The following RAPH1 variants were observed in gnomAD, a reference collection of about 807,000 sequenced individuals.
RAPH1 encodes ras-associated and pleckstrin homology domains-containing protein 1.
A neutral mutation model predicts 88.1 loss-of-function variants in RAPH1; 18 were observed. That is an observed-to-expected ratio of 0.20 (90% confidence interval 0.14 to 0.30). The LOEUF (loss-of-function observed/expected upper bound fraction) is 0.30. Among genes scored for constraint, RAPH1 ranks in the 10% least tolerant of loss-of-function variants. The pLI is 1.00. For missense variants in RAPH1, 1,448 were observed against 1,543.2 expected (o/e 0.94, Z 1.03); for synonymous variants, 587 against 559.0 (o/e 1.05, Z -0.71).
chr2:203,493,971 C>CAAAAAAAAAAAAAAAA (rs397937732), intron 2 of RAPH1, among the ~76,000 whole-genome samples: 3 of 18,964 alleles, frequency 1.6e-4, no homozygotes, highest in Non-Finnish European at 3.6e-4. Context: ...GACTCTATCT[C>CAAAAAAAAAAAAAAAA]AAAAAAAAAA....
intron 1 of RAPH1, among the ~76,000 whole-genome samples, chr2:203,500,344 C>T (rs948995262): frequency 1.3e-5 from 2 of 152,034 alleles, no homozygotes; most frequent in African/African-American, 4.8e-5. Flanking sequence ...GGTATAAAGA[C>T]GTGAGAACAA....
chr2:203,503,572 G>A (rs1026477636), intron 1 of RAPH1, among the ~76,000 whole-genome samples: 1 of 152,128 alleles, frequency 6.6e-6, no homozygotes, highest in Non-Finnish European at 1.5e-5. Flanking sequence ...TTCAAGTTGA[G>A]ATTTGGGTGG....
intron 1 of RAPH1, among the ~76,000 whole-genome samples, chr2:203,515,479 T>C (rs1481527794): frequency 6.6e-6 from 1 of 152,226 alleles, no homozygotes; most frequent in Non-Finnish European, 1.5e-5. Flanking sequence ...TATGCTAAAA[T>C]GACATTCGGC....
rs1377295736 is a variant in RAPH1 at position 203,448,781 on chromosome 2, A to C, written c.1469T>G (p.Val490Gly). 1.2e-6 allele frequency: 2 copies of C among 1,612,040 alleles called. No homozygotes were observed. Among genetic ancestry groups the C allele is most frequent in the Non-Finnish European group, 1.7e-6 (2 of 1,179,222 alleles). The change falls in exon 11 of 14, where the codon GTG becomes GGG. Residue 490 changes from valine (V) to glycine (G), a missense_variant. Transcript: ENST00000319170. The surrounding 1 kb of genome is among the most constrained non-coding windows in gnomAD (Gnocchi z 4.1). ...QYIKYLCCDD[V>G]RTLHQWVNGI... ...ATTGACCCACTGATGCAGTGTCCTC[A>C]CATCATCACAACAAAGGTATTTGAT... is the stretch of plus-strand genomic sequence containing the variant.
In RAPH1 at chr2:203,477,225, C is replaced by T; in HGVS notation, c.732+12359G>A. On this transcript the variant is annotated intron_variant, in intron 4 of 13. Coordinates refer to ENST00000319170, the MANE Select transcript of RAPH1 (RefSeq NM_213589.3). ...GAAACGGGCAGTTCTCATTACCATG[C>T]AGGAAGAGAAAAAGATCAATGAAGT... The T allele has an allele frequency of 3.5e-6, 4 of 1,134,442 alleles. No homozygotes were observed. In the South Asian group the frequency reaches 3.9e-5, roughly 11 times the overall value. 70.3% of individuals were successfully genotyped at this position (1,134,442 alleles called of 1,614,324 possible). A position where few individuals can be genotyped will look rare whatever the true frequency, so the allele number is the denominator to read the frequency against.
chr2:203,488,588 TAAAAA>T (rs750783858), intron 4 of RAPH1, among the ~76,000 whole-genome samples: 5 of 36,652 alleles, frequency 1.4e-4, no homozygotes, highest in South Asian at 1.5e-3. Flanking sequence ...CTCCGTCTAT[TAAAAA>T]AAAAAAAAAA....
In RAPH1 at chr2:203,439,864, T is replaced by A; in HGVS notation, c.3326A>T (p.Gln1109Leu). The stretch of plus-strand genomic sequence containing the variant: ...CTTCACTGACATTTTAGACCATTGT[T>A]GTGGTTGAGGATTAACGACTGCCAC... ...PKVAVVNPQP[Q>L]QWSKMSVKKA... The change falls in exon 14 of 14, where the codon CAA becomes CTA. Residue 1109 changes from glutamine to leucine, a missense_variant. Physicochemically the swap from Gln to Leu is moderately radical, Grantham distance 113. Transcript: ENST00000319170. The A allele has an allele frequency of 6.2e-7, 1 of 1,613,852 alleles. No homozygotes were observed. The highest frequency in any genetic ancestry group is 1.1e-5 in the South Asian group (1 of 91,064).
At chr2:203,475,145 T>C (rs1051081660) in intron 4 of RAPH1, among the ~76,000 whole-genome samples, 1 of 152,154 alleles carries the variant, frequency 6.6e-6, no homozygotes, top group Non-Finnish European at 1.5e-5. Flanking sequence ...CAGTGACTCA[T>C]GCCTGTAATC....
At chr2:203,520,033 A>G (rs1179156135) in intron 1 of RAPH1, among the ~76,000 whole-genome samples, 5 of 152,214 alleles carry the variant, frequency 3.3e-5, no homozygotes, top group Non-Finnish European at 1.5e-5. Context: ...CGGATTAAAA[A>G]ATATACCACA....
intron 1 of RAPH1, among the ~76,000 whole-genome samples, chr2:203,522,425 C>T (rs983752888): frequency 5.9e-5 from 9 of 152,148 alleles, no homozygotes; most frequent in African/African-American, 1.2e-4. Context: ...TCTAAATAAA[C>T]GGACAGATAT....
At position 203,455,484 on chromosome 2, in the gene RAPH1, GA is replaced by G; in HGVS notation, c.1254del (p.Leu419SerfsTer52). 6.2e-7 allele frequency: 1 copy of G among 1,613,982 alleles called. No homozygotes were observed. The highest frequency in any genetic ancestry group is 8.5e-7 in the Non-Finnish European group (1 of 1,179,922). On this transcript the variant is annotated frameshift_variant, in exon 9 of 14. Coordinates refer to ENST00000319170, the MANE Select transcript of RAPH1 (RefSeq NM_213589.3). LOFTEE classifies it high-confidence loss of function. Reference protein sequence around the residue: ...DGKKSWKKRYFLLRASGIYYV... With the variant: ...DGKKSWKKRYXLLRASGIYYV... ...TAGTAGATACCAGATGCTCGCAAGA[GA>G]AAATAACGCTTTTTCCAGGACTTCT...
chr2:203,441,654 A>T, intron 13 of RAPH1: 4 of 1,322,902 alleles, frequency 3.0e-6, no homozygotes, highest in Non-Finnish European at 3.8e-6. Flanking sequence ...TAGACCATCT[A>T]ACAATCTAGG....
rs1222517394 is a variant in RAPH1, at chr2:203,506,870, A to C, written c.1-11517T>G. Among the ~76,000 whole-genome samples the C allele has an allele frequency of 6.8e-4, 68 of 100,730 alleles. 7 individuals are homozygous for C. The highest frequency in any genetic ancestry group is 2.1e-3 in the African/African-American group (43 of 20,804). 66.1% of individuals were successfully genotyped at this position (100,730 alleles called of 152,430 possible). On this transcript the variant is annotated intron_variant, in intron 1 of 13. Coordinates refer to ENST00000319170, the MANE Select transcript of RAPH1 (RefSeq NM_213589.3). ...TCTATCTATATCTATATATATATAT[A>C]TATATATATAGATATATATATATAT...
At chr2:203,477,071 C>T in intron 4 of RAPH1, 1 of 1,608,122 alleles carries the variant, frequency 6.2e-7, no homozygotes, top group East Asian at 2.2e-5. Flanking sequence ...GTTTATAGAA[C>T]TTACAGGTGT....
Position 203,439,795 on chromosome 2 carries a change from C to T in RAPH1, c.3395G>A (p.Arg1132His), listed in dbSNP as rs776674212. 1.5e-5 allele frequency: 24 copies of T among 1,614,016 alleles called. No individual in the cohort carries two copies. The highest frequency in any genetic ancestry group is 2.2e-5 in the South Asian group (2 of 91,056). Residue 1132 changes from arginine (R) to histidine (H), a missense_variant, in exon 14 of 14, where the codon CGC (arginine) becomes CAC (histidine). Coordinates refer to ENST00000319170, the MANE Select transcript of RAPH1 (RefSeq NM_213589.3). ...CTCAGAAATCTCAGCTTGAGTGAGGCGGGTGCTATCATTCCGTTTGGGTCG... is the reference window on the plus strand; with the variant it reads ...CTCAGAAATCTCAGCTTGAGTGAGGTGGGTGCTATCATTCCGTTTGGGTCG... Reference protein sequence around the residue: ...PTRPKRNDSTRLTQAEISEQP... With the variant: ...PTRPKRNDSTHLTQAEISEQP...
rs1201728857 is a variant in RAPH1 at position 203,489,697 on chromosome 2, A to G, written c.619T>C (p.Ser207Pro). 6.2e-7 allele frequency: 1 copy of G among 1,614,090 alleles called. No homozygotes were observed. The highest frequency in any genetic ancestry group is 8.5e-7 in the Non-Finnish European group (1 of 1,180,008). ...GCGGAAGTGATGCTGGAATGGGAGG[A>G]ATTACTAATAGAGTGTACTTCAGCA... is the stretch of plus-strand genomic sequence containing the variant. ...SDAEVHSISN[S>P]SHSSITSAAS... The change falls in exon 4 of 14, where the codon TCC becomes CCC. Residue 207 changes from serine (S) to proline (P), a missense_variant. Coordinates refer to ENST00000319170, the MANE Select transcript of RAPH1 (RefSeq NM_213589.3).
rs761118686 is a variant in RAPH1, at chr2:203,454,497, T to C, written c.1346A>G (p.Asn449Ser). ...CCGATAGTCCTGGCCATAATAAACG[T>C]TGACATGATCCAGCTGGAGAAAGCA... ...LVCFLQLDHVNVYYGQDYRNK... is the reference protein window; with the variant it reads ...LVCFLQLDHVSVYYGQDYRNK... Residue 449 changes from asparagine (N) to serine (S), a missense_variant, in exon 10 of 14, where the codon AAC becomes AGC. By Grantham distance (46) the Asn-to-Ser change is conservative (BLOSUM62 1). Coordinates refer to ENST00000319170, the MANE Select transcript of RAPH1 (RefSeq NM_213589.3). The C allele has an allele frequency of 4.3e-6, 7 of 1,613,636 alleles. No individual in the cohort carries two copies. Among genetic ancestry groups the C allele is most frequent in the Non-Finnish European group, 5.9e-6 (7 of 1,179,910 alleles).
chr2:203,457,121 C>T (rs1258773101), intron 8 of RAPH1, among the ~76,000 whole-genome samples: 1 of 151,922 alleles, frequency 6.6e-6, no homozygotes, highest in Non-Finnish European at 1.5e-5. Flanking sequence ...AAAATTGTAA[C>T]TACAAATATA....
chr2:203,495,167 C>A (rs774726714), intron 2 of RAPH1, 67 bp downstream of exon 2: 2 of 1,577,446 alleles, frequency 1.3e-6, no homozygotes, highest in Middle Eastern at 1.7e-4. Context: ...ATATCCTCTT[C>A]TGCACATTAA....
Sources: gnomAD v4.1 joint callset for allele counts (sites outside exome capture counted in the v4.1 genomes callset) on GRCh38, gnomAD v4.1.1 for gene constraint, Gnocchi (gnomAD v3.1) non-coding constraint, MANE v1.5 for transcripts, NCBI Gene and HGNC (gene_info 2026-07-23, HGNC 2026-07-21) for gene names.